PRIMPOL: variants seen among roughly 807,000 people sequenced by gnomAD.
PRIMPOL encodes primase and DNA directed polymerase.
A neutral mutation model predicts 63.6 loss-of-function variants in PRIMPOL; 54 were observed. The observed-to-expected ratio is 0.85, with a 90% CI of 0.68 to 1.07. The LOEUF is 1.07. Among genes scored for constraint, PRIMPOL ranks in the 50% least tolerant of loss-of-function variants. PRIMPOL has a pLI of 0.00. For synonymous variants in PRIMPOL, 197 were observed against 220.2 expected (o/e 0.89, Z 0.93); for missense variants, 610 against 648.3 (o/e 0.94, Z 0.64).
At chr4:184,673,830 G>A (rs1038521589) in intron 7 of PRIMPOL, among the ~76,000 whole-genome samples, 1 of 152,158 alleles carries the variant, frequency 6.6e-6, no homozygotes, top group African/African-American at 2.4e-5. Context: ...GGCCAACAGT[G>A]GTACTGAAAT....
At position 184,678,297 on chromosome 4, in the gene PRIMPOL, T is replaced by C; in HGVS notation, c.910T>C (p.Leu304=). 1.2e-6 allele frequency: 2 copies of C among 1,607,112 alleles called. 1 individual carries two copies. Among genetic ancestry groups the C allele is most frequent in the South Asian group, 2.2e-5 (2 of 89,536 alleles). ...KSSKIGKRVA[L]EVTEDNKFFP... is the part of the protein sequence containing the mutation. The stretch of plus-strand genomic sequence containing the variant: ...ATCAAAAATTGGAAAGCGTGTGGCT[T>C]TGGAGGTTACTGAAGATAACAAATT... Residue 304 remains leucine, a synonymous_variant, in exon 8 of 14, where the codon TTG becomes CTG. Coordinates refer to ENST00000314970, the MANE Select transcript of PRIMPOL (RefSeq NM_152683.4).
In PRIMPOL at chr4:184,678,380, G is replaced by A; in HGVS notation, c.993G>A (p.Leu331=). 1.2e-6 allele frequency: 2 copies of A among 1,602,700 alleles called. No homozygotes were observed. The highest frequency in any genetic ancestry group is 1.7e-6 in the Non-Finnish European group (2 of 1,176,402). ...AATATCAATATTTTCTCTCTTCTTT[G>A]GTCAGCAATGTCAGGTATGTAGTAG... is the stretch of plus-strand genomic sequence containing the variant. ...SDEYQYFLSS[L]VSNVRFSDTL... is the part of the protein sequence containing the mutation. Residue 331 remains leucine, a synonymous_variant, in exon 8 of 14, where the codon TTG becomes TTA. Transcript: ENST00000314970.
intron 2 of PRIMPOL, among the ~76,000 whole-genome samples, chr4:184,652,358 T>C (rs1302418080): frequency 6.6e-6 from 1 of 151,848 alleles, no homozygotes; most frequent in Non-Finnish European, 1.5e-5. Flanking sequence ...GGCAGAGTTA[T>C]GCTGTTTGGA....
chr4:184,691,581 T>TGTAA lies in PRIMPOL; in HGVS notation c.1378+3_1378+6dup. On this transcript the variant is annotated frameshift_variant and splice_region_variant. Transcript: ENST00000314970. LOFTEE classifies it high-confidence loss of function. ...TAAAGCAGAAAACTTCAAATCTGAC[T>TGTAA]GTAAGTTACTAATTTTTACATTTAC... The TGTAA allele has an allele frequency of 6.2e-7, 1 of 1,604,796 alleles. No individual in the cohort carries two copies. Among genetic ancestry groups the TGTAA allele is most frequent in the Non-Finnish European group, 8.5e-7 (1 of 1,172,638 alleles).
intron 4 of PRIMPOL, among the ~76,000 whole-genome samples, chr4:184,660,199 T>G (rs2150048170): frequency 6.6e-6 from 1 of 151,982 alleles, no homozygotes; most frequent in South Asian, 2.1e-4. Flanking sequence ...TTAAAAAATT[T>G]TTTTTGAGAC....
In PRIMPOL at chr4:184,657,071, G is replaced by GT. The variant is rs1284511588; in HGVS notation, c.-59-8dup. The GT allele has an allele frequency of 6.5e-5, 76 of 1,169,692 alleles. No homozygotes were observed. Among genetic ancestry groups the GT allele is most frequent in the Middle Eastern group, 2.1e-4 (1 of 4,802 alleles). The allele number at this position is 1,169,692 out of a possible 1,614,324, so 72.5% of individuals were successfully genotyped here. A position where few individuals can be genotyped will look rare whatever the true frequency, so the allele number is the denominator to read the frequency against. Reference sequence around the variant, plus strand: ...GAAATTAATGGCCTTTTTGTTTGTTGTTTGTTTTAGTAGTAATTGATAGAA... The same window carrying GT: ...GAAATTAATGGCCTTTTTGTTTGTTGTTTTGTTTTAGTAGTAATTGATAGAA... On this transcript the variant is annotated splice_polypyrimidine_tract_variant and intron_variant, in intron 2 of 13. Transcript: ENST00000314970.
At chr4:184,668,111 T>G (rs1367135755) in intron 6 of PRIMPOL, among the ~76,000 whole-genome samples, 2 of 152,250 alleles carry the variant, frequency 1.3e-5, no homozygotes, top group African/African-American at 4.8e-5. Flanking sequence ...TGCATCTATG[T>G]TGATGACTCT....
At chr4:184,659,108 T>G (rs540722609) in intron 3 of PRIMPOL, among the ~76,000 whole-genome samples, 1 of 152,342 alleles carries the variant, frequency 6.6e-6, no homozygotes, top group East Asian at 1.9e-4. Flanking sequence ...CTCTTTGGTC[T>G]GCATATTCTA....
At chr4:184,664,105 T>G (rs1749144909) in intron 5 of PRIMPOL, among the ~76,000 whole-genome samples, 1 of 152,246 alleles carries the variant, frequency 6.6e-6, no homozygotes, top group South Asian at 2.1e-4. Flanking sequence ...CTTCTGGATT[T>G]TATAATTTAA....
At chr4:184,688,619 C>T (rs1386597357) in intron 11 of PRIMPOL, among the ~76,000 whole-genome samples, 1 of 152,210 alleles carries the variant, frequency 6.6e-6, no homozygotes, top group Non-Finnish European at 1.5e-5. Context: ...GTGAGCAATC[C>T]ATGCACACAG....
At chr4:184,670,712 T>C (rs1195802083) in intron 6 of PRIMPOL, among the ~76,000 whole-genome samples, 2 of 152,160 alleles carry the variant, frequency 1.3e-5, no homozygotes, top group Non-Finnish European at 2.9e-5. Context: ...CACACCTGGC[T>C]AATTTTTGTA....
chr4:184,671,889 C>CCT (rs1751786861), intron 6 of PRIMPOL, among the ~76,000 whole-genome samples: 3 of 114,806 alleles, frequency 2.6e-5, no homozygotes, highest in Non-Finnish European at 5.8e-5. Context: ...ATTACAGGCG[C>CCT]ACCACCACGC....
At chr4:184,687,977 G>GTA (rs1757434965) in intron 11 of PRIMPOL, among the ~76,000 whole-genome samples, 1 of 152,182 alleles carries the variant, frequency 6.6e-6, no homozygotes, top group Admixed American at 6.5e-5. Flanking sequence ...TTGCCTTGCG[G>GTA]TAGCATATCT....
intron 3 of PRIMPOL, among the ~76,000 whole-genome samples, chr4:184,658,412 A>G (rs1747217212): frequency 6.6e-6 from 1 of 152,198 alleles, no homozygotes; most frequent in Non-Finnish European, 1.5e-5. Context: ...TATAAAATTT[A>G]TTTCAAAAAG....
At chr4:184,678,750 A>G (rs1754797157) in intron 8 of PRIMPOL, among the ~76,000 whole-genome samples, 1 of 151,496 alleles carries the variant, frequency 6.6e-6, no homozygotes, top group Admixed American at 6.6e-5. Context: ...CTTGTCTCGA[A>G]CTCCTGACCT....
rs1441774834 is a variant in PRIMPOL at position 184,672,436 on chromosome 4, G to A, written c.820G>A (p.Glu274Lys). 1.2e-6 allele frequency: 2 copies of A among 1,609,824 alleles called. No individual in the cohort carries two copies. The highest frequency in any genetic ancestry group is 3.4e-5 in the Admixed American group (2 of 58,994). The change falls in exon 7 of 14, where the codon GAG becomes AAG. Residue 274 changes from glutamate to lysine, a missense_variant. Transcript: ENST00000314970. ...TCTAGTTGTGAAGAATAACATGGGA[G>A]AGAAGCATCTTTTTGTAGATCTCGG... ...SFLVVKNNMG[E>K]KHLFVDLGVY...
intron 13 of PRIMPOL, among the ~76,000 whole-genome samples, chr4:184,692,623 C>T (rs1423594270): frequency 7.5e-6 from 1 of 133,170 alleles, no homozygotes; most frequent in East Asian, 1.9e-4. Flanking sequence ...TGCTCATTTT[C>T]TTTTTTTTTG....
intron 6 of PRIMPOL, among the ~76,000 whole-genome samples, chr4:184,667,771 C>G (rs187246527): frequency 1.1e-4 from 17 of 152,292 alleles, no homozygotes; most frequent in African/African-American, 4.1e-4. Flanking sequence ...CAGACATCAC[C>G]TAAGTTTCAT....
At chr4:184,656,876 A>C (rs753706186) in intron 2 of PRIMPOL, among the ~76,000 whole-genome samples, 16 of 152,214 alleles carry the variant, frequency 1.1e-4, no homozygotes, top group Non-Finnish European at 1.9e-4. Context: ...GCGCTTCATT[A>C]ACCTGTCCAA....
Sources: gnomAD v4.1 joint callset for allele counts (sites outside exome capture counted in the v4.1 genomes callset) on GRCh38, gnomAD v4.1.1 for gene constraint, MANE v1.5 for transcripts, NCBI Gene and HGNC (gene_info 2026-07-23, HGNC 2026-07-21) for gene names.